The following CNTN1 variants were observed in gnomAD, a reference collection of about 807,000 sequenced individuals.
CNTN1 encodes the protein contactin-1.
CNTN1 carries 38 observed loss-of-function variants against 126.4 expected under a neutral mutation model. That is an observed-to-expected ratio of 0.30 (90% confidence interval 0.23 to 0.39). The LOEUF is 0.39. Ranked by LOEUF, CNTN1 falls within the 10% of genes least tolerant of loss-of-function variation. The pLI is 1.00. For synonymous variants in CNTN1, 413 were observed against 422.6 expected (o/e 0.98, Z 0.28); for missense variants, 1,009 against 1,248.4 (o/e 0.81, Z 2.89).
At chr12:40,963,225 A>G (rs1011399073) in intron 15 of CNTN1, among the ~76,000 whole-genome samples, 11 of 152,132 alleles carry the variant, frequency 7.2e-5, no homozygotes, top group African/African-American at 2.2e-4. Context: ...CCTGAGCAAC[A>G]TGGCAAAAAA....
chr12:40,888,556 A>G (rs117399081), intron 1 of CNTN1, among the ~76,000 whole-genome samples: 1,586 of 152,288 alleles, frequency 0.01, 20 homozygotes, highest in South Asian at 0.039. Context: ...GATATGGTTT[A>G]CAATCTTAAC....
At chr12:40,955,169 A>G (rs914698721) in intron 14 of CNTN1, among the ~76,000 whole-genome samples, 10 of 151,992 alleles carry the variant, frequency 6.6e-5, no homozygotes, top group African/African-American at 2.4e-4. Context: ...TGAAGACTAT[A>G]GAGGTGTGGC....
intron 21 of CNTN1, 114 bp from the exon 22 acceptor site, chr12:41,027,742 TA>T: frequency 8.1e-6 from 6 of 740,586 alleles, no homozygotes; most frequent in Non-Finnish European, 7.3e-6. Context: ...AAACACTTAT[TA>T]AAACTAGATG....
At chr12:40,992,362 T>C (rs895258199) in intron 16 of CNTN1, among the ~76,000 whole-genome samples, 1 of 152,152 alleles carries the variant, frequency 6.6e-6, no homozygotes, top group African/African-American at 2.4e-5. Context: ...TATTGCGTCA[T>C]AGACAAGCCT....
At chr12:41,018,100 A>AAAT (rs935630016) in intron 19 of CNTN1, among the ~76,000 whole-genome samples, 3 of 150,768 alleles carry the variant, frequency 2.0e-5, no homozygotes, top group East Asian at 1.9e-4. Context: ...CAAAAAAAAA[A>AAAT]AATAATAATA....
At chr12:41,016,950 G>A (rs1444469992) in intron 19 of CNTN1, 34 bp downstream of exon 19, 4 of 1,559,938 alleles carry the variant, frequency 2.6e-6, no homozygotes, top group Non-Finnish European at 2.7e-6. Flanking sequence ...ACCTGAGGAG[G>A]GAGGAAAAAC....
At chr12:41,035,648 G>A (rs1284892536) in intron 23 of CNTN1, among the ~76,000 whole-genome samples, 1 of 152,144 alleles carries the variant, frequency 6.6e-6, no homozygotes, top group African/African-American at 2.4e-5. Flanking sequence ...AGGTACACAA[G>A]TTTTTGGTAG....
intron 15 of CNTN1, among the ~76,000 whole-genome samples, chr12:40,964,414 G>A (rs1947221058): frequency 1.3e-5 from 2 of 151,966 alleles, no homozygotes. Flanking sequence ...TGAAAACTCT[G>A]TAAATCATTT....
intron 1 of CNTN1, among the ~76,000 whole-genome samples, chr12:40,712,934 G>A (rs956951307): frequency 1.7e-4 from 26 of 152,010 alleles, no homozygotes; most frequent in African/African-American, 6.0e-4. Context: ...GTAATCGGGG[G>A]ATGTGAGTTA....
chr12:40,914,307 C>G (rs1161932911), intron 3 of CNTN1, among the ~76,000 whole-genome samples: 1 of 152,074 alleles, frequency 6.6e-6, no homozygotes, highest in Non-Finnish European at 1.5e-5. Flanking sequence ...TCTGAGCACC[C>G]TAGTTGAGCT....
intron 23 of CNTN1, among the ~76,000 whole-genome samples, chr12:41,049,514 T>A (rs1214124382): frequency 6.6e-6 from 1 of 152,238 alleles, no homozygotes; most frequent in Non-Finnish European, 1.5e-5. Flanking sequence ...CTAAAATAAA[T>A]GTATTGAGAA....
Position 40,875,914 on chromosome 12 carries a change from C to G in CNTN1, c.-76-32443C>G, listed in dbSNP as rs150771872. 7.1e-3 allele frequency among the ~76,000 whole-genome samples: 1,086 copies of G among 152,170 alleles called. 3 individuals carry two copies. Among genetic ancestry groups the G allele is most frequent in the Non-Finnish European group, 0.011 (733 of 67,952 alleles). The stretch of plus-strand genomic sequence containing the variant: ...ATTACTAGGCCATATCACATCCTGA[C>G]TTATTCTTGTCTTTTAAGTAAATTG... On this transcript the variant is annotated intron_variant, in intron 1 of 23. Coordinates refer to ENST00000551295, the MANE Select transcript of CNTN1 (RefSeq NM_001843.4).
At chr12:40,887,373 C>G (rs1424949685) in intron 1 of CNTN1, among the ~76,000 whole-genome samples, 2 of 152,082 alleles carry the variant, frequency 1.3e-5, no homozygotes, top group African/African-American at 4.8e-5. Flanking sequence ...AGACACTTCT[C>G]AAAAGAAGAC....
intron 1 of CNTN1, among the ~76,000 whole-genome samples, chr12:40,697,147 G>A (rs1941470317): frequency 6.6e-6 from 1 of 152,008 alleles, no homozygotes; most frequent in African/African-American, 2.4e-5. Context: ...AGTTACCCAG[G>A]CAAAAGTGTA....
intron 1 of CNTN1, among the ~76,000 whole-genome samples, chr12:40,866,885 T>C (rs1469612701): frequency 2.0e-5 from 3 of 152,192 alleles, no homozygotes; most frequent in Admixed American, 6.6e-5. Context: ...ATTTGTGTAT[T>C]TGTTTTGTGA....
At chr12:41,050,820 T>C (rs1949658995) in intron 23 of CNTN1, among the ~76,000 whole-genome samples, 1 of 152,198 alleles carries the variant, frequency 6.6e-6, no homozygotes, top group African/African-American at 2.4e-5. Flanking sequence ...TCTCAAACTT[T>C]CTTCATTATT....
intron 15 of CNTN1, among the ~76,000 whole-genome samples, chr12:40,961,729 T>C (rs75756457): frequency 0.051 from 7,741 of 152,092 alleles, 303 homozygotes; most frequent in Non-Finnish European, 0.082. Flanking sequence ...AGATCAAGAC[T>C]CTCTAATAAA....
chr12:41,054,945 A>G (rs1459021104), intron 23 of CNTN1, among the ~76,000 whole-genome samples: 1 of 152,184 alleles, frequency 6.6e-6, no homozygotes, highest in Non-Finnish European at 1.5e-5. Context: ...ACGAAATCCA[A>G]CATTGCAAGT....
chr12:40,896,513 CT>C (rs1171171626), intron 1 of CNTN1, among the ~76,000 whole-genome samples: 1 of 152,122 alleles, frequency 6.6e-6, no homozygotes, highest in Non-Finnish European at 1.5e-5. Flanking sequence ...GCCTCACTGC[CT>C]TTTGATAATA....
Sources: gnomAD v4.1 joint callset for allele counts (sites outside exome capture counted in the v4.1 genomes callset) on GRCh38, gnomAD v4.1.1 for gene constraint, MANE v1.5 for transcripts, NCBI Gene and HGNC (gene_info 2026-07-23, HGNC 2026-07-21) for gene names.